KIAA1671: variants seen among roughly 807,000 people sequenced by gnomAD.
KIAA1671 encodes uncharacterized protein KIAA1671.
KIAA1671 carries 52 observed loss-of-function variants against 131.2 expected under a neutral mutation model. That is an observed-to-expected ratio of 0.40 (90% CI 0.32 to 0.50). KIAA1671 has a LOEUF of 0.50. Ranked by LOEUF, KIAA1671 falls within the 20% of genes least tolerant of loss-of-function variation. The pLI is 0.73. For missense variants in KIAA1671, 2,360 were observed against 2,364.2 expected, an observed-to-expected ratio of 1.00 and a Z score of 0.04; for synonymous variants, 1,003 against 961.6, an observed-to-expected ratio of 1.04 and a Z score of -0.80.
chr22:25,153,500 A>G (rs1397676782), intron 6 of KIAA1671, among the ~76,000 whole-genome samples: 1 of 152,232 alleles, frequency 6.6e-6, no homozygotes, highest in Non-Finnish European at 1.5e-5. Context: ...AATATGCAAT[A>G]TACCCATGCA....
chr22:25,174,341 C>T lies in KIAA1671; in HGVS notation c.4751C>T (p.Ala1584Val). ...TCCTCCCAAACGGAGCCCACCTCGGCAGGGGACCAGTATGACTGCTCCAGG... is the reference window on the plus strand; with the variant it reads ...TCCTCCCAAACGGAGCCCACCTCGGTAGGGGACCAGTATGACTGCTCCAGG... ...SLSSQTEPTS[A>V]GDQYDCSRDQ... The change falls in exon 8 of 13, where the codon GCA becomes GTA. Residue 1584 changes from alanine to valine, a missense_variant. Ala to Val is a moderately conservative substitution (Grantham distance 64). This residue lies in a region of KIAA1671 where 1,161 missense variants were observed against 1,204.7 expected (regional missense o/e 0.96). Coordinates refer to ENST00000358431, the MANE Select transcript of KIAA1671 (RefSeq NM_001145206.2). 1.9e-6 allele frequency: 3 copies of T among 1,552,058 alleles called. No homozygotes were observed. Among genetic ancestry groups the T allele is most frequent in the Non-Finnish European group, 2.6e-6 (3 of 1,147,086 alleles).
At chr22:25,005,929 A>T (rs1488552523) in intron 1 of KIAA1671, among the ~76,000 whole-genome samples, 1 of 152,166 alleles carries the variant, frequency 6.6e-6, no homozygotes, top group Non-Finnish European at 1.5e-5. Context: ...TGTCCAGGAG[A>T]ACTTTGCATG....
At chr22:24,959,175 A>G (rs940082988) in intron 1 of KIAA1671, among the ~76,000 whole-genome samples, 3 of 151,516 alleles carry the variant, frequency 2.0e-5, no homozygotes, top group Admixed American at 6.6e-5. Context: ...AAATAAATAC[A>G]TAAATACATA....
intron 11 of KIAA1671, among the ~76,000 whole-genome samples, chr22:25,189,481 C>A (rs868199528): frequency 1.5e-4 from 23 of 152,318 alleles, no homozygotes; most frequent in Middle Eastern, 6.8e-3. Context: ...CGAGGCCAGT[C>A]TTTTTCTATT....
chr22:25,133,073 AAAAT>A (rs1932515778), intron 6 of KIAA1671, among the ~76,000 whole-genome samples: 1 of 151,764 alleles, frequency 6.6e-6, no homozygotes, highest in Non-Finnish European at 1.5e-5. Flanking sequence ...AAAAAAAAAA[AAAAT>A]ACCAGAGACA....
Position 25,084,833 on chromosome 22 carries a change from C to T in KIAA1671, c.4530+35469C>T, listed in dbSNP as rs148084450. On this transcript the variant is annotated intron_variant, in intron 6 of 12. Coordinates refer to ENST00000358431, the MANE Select transcript of KIAA1671 (RefSeq NM_001145206.2). ...CTTCTTCACCCATGTGTTTGGCACACGTGATGGTTCAAAAACCAGGCTTCC... is the reference window on the plus strand; with the variant it reads ...CTTCTTCACCCATGTGTTTGGCACATGTGATGGTTCAAAAACCAGGCTTCC... 1.5e-4 allele frequency among the ~76,000 whole-genome samples: 23 copies of T among 152,342 alleles called. No individual in the cohort carries two copies. The East Asian group carries it at 2.5e-3, about 17-fold the overall frequency.
chr22:25,006,591 G>A (rs1281997557), intron 1 of KIAA1671, among the ~76,000 whole-genome samples: 1 of 152,144 alleles, frequency 6.6e-6, no homozygotes, highest in Non-Finnish European at 1.5e-5. Context: ...GGCAAGTTAA[G>A]CTCTGTATGC....
intron 1 of KIAA1671, among the ~76,000 whole-genome samples, chr22:24,989,735 T>C (rs1396617905): frequency 1.3e-5 from 2 of 152,066 alleles, no homozygotes; most frequent in East Asian, 3.9e-4. Flanking sequence ...CAAGAGCCCC[T>C]TTCCCCACCA....
chr22:25,196,452 T>G lies in KIAA1671; in HGVS notation c.*4051T>G, dbSNP rs184280520. The stretch of plus-strand genomic sequence containing the variant: ...TTGAACTTTTTTTTTTTTCTTTTCT[T>G]GAGACACGGTCTTGCTCTGTTGGCC... On this transcript the variant is annotated 3_prime_UTR_variant, in exon 13 of 13. Coordinates refer to ENST00000358431, the MANE Select transcript of KIAA1671 (RefSeq NM_001145206.2). 8 of 152,162 alleles carry G rather than the reference T, an allele frequency of 5.3e-5. No homozygotes were observed. The highest frequency in any genetic ancestry group is 1.9e-4 in the African/African-American group (8 of 41,512). 9.4% of individuals were successfully genotyped at this position (152,162 alleles called of 1,614,324 possible).
Position 25,111,636 on chromosome 22 carries a change from G to A in KIAA1671, c.4531-59184G>A, listed in dbSNP as rs367546627. On this transcript the variant is annotated intron_variant, in intron 6 of 12. Transcript: ENST00000358431. ...TGGGTCAGGTGAGCGGGGTCTGGCC[G>A]AGGGCAGCCGGGCAGGGGGCAGCAG... Among the ~76,000 whole-genome samples, 6 of 152,328 alleles carry A rather than the reference G, an allele frequency of 3.9e-5. No individual in the cohort carries two copies. The South Asian group carries it at 8.3e-4, about 21-fold the overall frequency.
chr22:24,983,596 T>G, intron 1 of KIAA1671, among the ~76,000 whole-genome samples: 1 of 145,504 alleles, frequency 6.9e-6, no homozygotes, highest in Non-Finnish European at 1.5e-5. Context: ...ACTTAAAGGA[T>G]GTGTGTATGG....
chr22:25,042,317 C>A (rs926186462), intron 5 of KIAA1671, among the ~76,000 whole-genome samples: 10 of 152,120 alleles, frequency 6.6e-5, no homozygotes, highest in African/African-American at 2.4e-4. Flanking sequence ...CCTGTTGTAT[C>A]CTGTTCATTA....
At chr22:25,129,135 G>T (rs1932317326) in intron 6 of KIAA1671, among the ~76,000 whole-genome samples, 1 of 151,994 alleles carries the variant, frequency 6.6e-6, no homozygotes, top group South Asian at 2.1e-4. Flanking sequence ...CAAGCATGGA[G>T]TGCCATGAGG....
intron 6 of KIAA1671, among the ~76,000 whole-genome samples, chr22:25,099,372 C>T (rs147856462): frequency 4.2e-4 from 64 of 152,150 alleles, no homozygotes; most frequent in Middle Eastern, 6.8e-3. Context: ...TGCCCTAAAC[C>T]GTGCTTGTGA....
chr22:25,094,803 T>C (rs904033195), intron 6 of KIAA1671, among the ~76,000 whole-genome samples: 1 of 152,192 alleles, frequency 6.6e-6, no homozygotes, highest in African/African-American at 2.4e-5. Flanking sequence ...TGTGTTTTCA[T>C]GAGCACAGCC....
intron 1 of KIAA1671, among the ~76,000 whole-genome samples, chr22:24,953,269 G>C (rs1445435236): frequency 6.6e-6 from 1 of 152,156 alleles, no homozygotes; most frequent in East Asian, 1.9e-4. Context: ...CTGAGGGATC[G>C]CTGGAGATCT....
intron 6 of KIAA1671, among the ~76,000 whole-genome samples, chr22:25,146,265 C>T (rs529564774): frequency 4.6e-5 from 7 of 152,324 alleles, no homozygotes; most frequent in Non-Finnish European, 1.0e-4. Context: ...GAACCAAGAC[C>T]CAACCCAGGT....
Position 25,028,170 on chromosome 22 carries a change from G to A in KIAA1671, c.171G>A (p.Pro57=), listed in dbSNP as rs985653583. The change falls in exon 3 of 13, where the codon CCG becomes CCA. Residue 57 remains proline, a synonymous_variant. Coordinates refer to ENST00000358431, the MANE Select transcript of KIAA1671 (RefSeq NM_001145206.2). ...AAGCGAAGAGCCCCCTGCGGAGCCC[G>A]GCCCGGTTACTCCCTCTGCCAAGGC... ...ILEAKSPLRS[P]ARLLPLPRLA... 276 of 1,550,104 alleles carry A rather than the reference G, an allele frequency of 1.8e-4. 4 individuals carry two copies. In the South Asian group the frequency reaches 3.0e-3, roughly 17 times the overall value.
intron 5 of KIAA1671, among the ~76,000 whole-genome samples, chr22:25,041,852 C>T (rs1926942599): frequency 6.6e-6 from 1 of 152,230 alleles, no homozygotes; most frequent in Admixed American, 6.5e-5. Flanking sequence ...TCAAGCCATC[C>T]TCCCGCCTCA....
Sources: allele counts gnomAD v4.1 joint callset (sites outside exome capture counted in the v4.1 genomes callset), GRCh38; gene constraint gnomAD v4.1.1; regional missense constraint gnomAD v4.1.1; transcripts MANE v1.5; gene names NCBI Gene and HGNC (gene_info 2026-07-23, HGNC 2026-07-21).